The following CDH22 variants were observed in gnomAD, a reference collection of about 807,000 sequenced individuals.
CDH22 encodes cadherin-22.
CDH22 carries 30 observed loss-of-function variants against 58.4 expected under a neutral mutation model. That is an observed-to-expected ratio of 0.51 (90% CI 0.38 to 0.70). The LOEUF is 0.70. CDH22 is among the 30% of genes least tolerant of loss of function. The pLI is 0.00. For missense variants in CDH22, 1,014 were observed against 1,233.9 expected (o/e 0.82, Z 2.67); for synonymous variants, 513 against 558.2 (o/e 0.92, Z 1.14).
intron 4 of CDH22, among the ~76,000 whole-genome samples, chr20:46,221,667 C>A (rs926928027): frequency 1.3e-5 from 2 of 152,216 alleles, no homozygotes; most frequent in Admixed American, 1.3e-4. Context: ...ACAGACTCCA[C>A]CTCTTGCCCA....
intron 8 of CDH22, among the ~76,000 whole-genome samples, chr20:46,189,939 G>C (rs1330625895): frequency 2.0e-5 from 3 of 150,522 alleles, no homozygotes; most frequent in Admixed American, 2.0e-4. Flanking sequence ...CCCAAAGCTT[G>C]GTCAGTGATT....
chr20:46,234,106 G>T (rs2086238276), intron 3 of CDH22, among the ~76,000 whole-genome samples: 1 of 152,214 alleles, frequency 6.6e-6, no homozygotes, highest in East Asian at 1.9e-4. Flanking sequence ...GAATCAGATA[G>T]TGTGCTCTCC....
At chr20:46,270,272 A>G (rs1164918987) in intron 1 of CDH22, among the ~76,000 whole-genome samples, 1 of 152,132 alleles carries the variant, frequency 6.6e-6, no homozygotes, top group East Asian at 1.9e-4. Context: ...GGAGAGAGGG[A>G]GAGAATATTT....
chr20:46,213,536 C>A (rs998815071), intron 5 of CDH22, among the ~76,000 whole-genome samples: 3 of 152,162 alleles, frequency 2.0e-5, no homozygotes, highest in African/African-American at 4.8e-5. Flanking sequence ...AGCTGTGTAA[C>A]CCTGAGCCTC....
chr20:46,207,099 G>A (rs2086006844), intron 7 of CDH22, among the ~76,000 whole-genome samples: 1 of 152,198 alleles, frequency 6.6e-6, no homozygotes, highest in Admixed American at 6.5e-5. Flanking sequence ...GGCCTGGCAT[G>A]GAGGAGGAGC....
chr20:46,265,389 TCATA>T (rs2145752171), intron 1 of CDH22, among the ~76,000 whole-genome samples: 1 of 152,246 alleles, frequency 6.6e-6, no homozygotes, highest in South Asian at 2.1e-4. Context: ...GCTGCACAAA[TCATA>T]CATGCATAGT....
chr20:46,227,288 C>A (rs1042975323), intron 4 of CDH22, among the ~76,000 whole-genome samples: 1 of 152,204 alleles, frequency 6.6e-6, no homozygotes, highest in Non-Finnish European at 1.5e-5. Context: ...GAACCCCCCA[C>A]CCCATTCCTT....
At chr20:46,280,283 G>A (rs2145766417) in intron 1 of CDH22, among the ~76,000 whole-genome samples, 1 of 152,330 alleles carries the variant, frequency 6.6e-6, no homozygotes, top group South Asian at 2.1e-4. Context: ...AGCTAGGTGT[G>A]GTGGTGTGGG....
At chr20:46,255,938 A>G (rs2086404606) in intron 1 of CDH22, among the ~76,000 whole-genome samples, 1 of 151,954 alleles carries the variant, frequency 6.6e-6, no homozygotes. Flanking sequence ...TTAATCCCAA[A>G]TGGGATTAAA....
chr20:46,290,704 A>T (rs1422503764), intron 1 of CDH22, among the ~76,000 whole-genome samples: 2 of 151,982 alleles, frequency 1.3e-5, no homozygotes, highest in Non-Finnish European at 2.9e-5. Flanking sequence ...TAGGGTGGAG[A>T]TGGGGAGGGA....
intron 8 of CDH22, among the ~76,000 whole-genome samples, chr20:46,189,763 A>G (rs1433480773): frequency 3.3e-5 from 5 of 152,174 alleles, no homozygotes; most frequent in Admixed American, 3.3e-4. Flanking sequence ...TGCCATCTGC[A>G]TATCTTATTC....
At chr20:46,259,786 G>A (rs570421777) in intron 1 of CDH22, among the ~76,000 whole-genome samples, 3 of 152,314 alleles carry the variant, frequency 2.0e-5, no homozygotes, top group South Asian at 4.1e-4. Context: ...ATGGGATACA[G>A]TGAATAGTGT....
intron 10 of CDH22, among the ~76,000 whole-genome samples, chr20:46,181,969 AC>A (rs1356552378): frequency 6.6e-6 from 1 of 151,692 alleles, no homozygotes; most frequent in Non-Finnish European, 1.5e-5. Context: ...GGCGTCTGCC[AC>A]CACGCCTGGC....
chr20:46,223,839 TTCC>T, intron 4 of CDH22, among the ~76,000 whole-genome samples: 1 of 148,830 alleles, frequency 6.7e-6, no homozygotes, highest in African/African-American at 2.5e-5. Context: ...CCTTCCTTCC[TTCC>T]TTCCTTCCTT....
At chr20:46,281,970 G>A (rs1176244066) in intron 1 of CDH22, among the ~76,000 whole-genome samples, 1 of 152,210 alleles carries the variant, frequency 6.6e-6, no homozygotes, top group Non-Finnish European at 1.5e-5. Context: ...CAGAGCTTAG[G>A]GAATGAAAGT....
chr20:46,262,412 G>C (rs376615370), intron 1 of CDH22, among the ~76,000 whole-genome samples: 1 of 152,052 alleles, frequency 6.6e-6, no homozygotes, highest in African/African-American at 2.4e-5. Context: ...CTTGCCCCCC[G>C]CCCCAGGCTA....
chr20:46,279,051 C>G (rs1359831336), intron 1 of CDH22, among the ~76,000 whole-genome samples: 1 of 152,200 alleles, frequency 6.6e-6, no homozygotes, highest in Non-Finnish European at 1.5e-5. Context: ...TCCAACCCAG[C>G]TATGTGGCTC....
rs1435547019 is a variant in CDH22 at position 46,241,330 on chromosome 20, T to C, written c.256-73A>G. 3.0e-6 allele frequency: 4 copies of C among 1,313,256 alleles called. No homozygotes were observed. In the African/African-American group the frequency reaches 4.4e-5, roughly 15 times the overall value. The allele number at this position is 1,313,256 out of a possible 1,614,324, so 81.4% of individuals were successfully genotyped here. ...CTCTTGGCCTCACTGTCTCATGCCATTGGCTGCCTATTCCTAAGCCCATCT... is the reference window on the plus strand; with the variant it reads ...CTCTTGGCCTCACTGTCTCATGCCACTGGCTGCCTATTCCTAAGCCCATCT... On this transcript the variant is annotated intron_variant, in intron 2 of 11. Coordinates refer to ENST00000537909, the MANE Select transcript of CDH22 (RefSeq NM_021248.3). This position sits in a 1 kb window ranked among gnomAD's most constrained non-coding sequence, Gnocchi z 5.2.
Position 46,175,074 on chromosome 20 carries a change from A to G in CDH22, c.1919T>C (p.Leu640Pro). The stretch of plus-strand genomic sequence containing the variant: ...CCTGAGGGTGAGGATCAGCAGCACC[A>G]GCACTGCGAGGGGGACAGAGGGGGC... ...LLVCVLILVV[L>P]VLLILTLRRH... is the part of the protein sequence containing the mutation. Residue 640 changes from leucine (L) to proline (P), a missense_variant, in exon 12 of 12, where the codon CTG becomes CCG. Leu to Pro is a moderately conservative substitution (Grantham distance 98). This residue lies in a region of CDH22 where 806 missense variants were observed against 1,038.7 expected (regional missense o/e 0.78). Coordinates refer to ENST00000537909, the MANE Select transcript of CDH22 (RefSeq NM_021248.3). 1 of 1,594,564 alleles carries G rather than the reference A, an allele frequency of 6.3e-7. No individual in the cohort carries two copies. Among genetic ancestry groups the G allele is most frequent in the Non-Finnish European group, 8.5e-7 (1 of 1,173,020 alleles).
Sources: allele counts gnomAD v4.1 joint callset (sites outside exome capture counted in the v4.1 genomes callset), GRCh38; gene constraint gnomAD v4.1.1; regional missense constraint gnomAD v4.1.1; non-coding constraint Gnocchi (gnomAD v3.1); transcripts MANE v1.5; gene names NCBI Gene and HGNC (gene_info 2026-07-23, HGNC 2026-07-21).